Variants in RAPGEF4 observed in about 807,000 individuals in gnomAD.
RAPGEF4 encodes the protein RAP guanine-nucleotide-exchange factor (GEF) 4.
In RAPGEF4, 66 loss-of-function variants were observed where a neutral mutation model predicts 147.9. That is an observed-to-expected ratio of 0.45 (90% CI 0.37 to 0.55). The LOEUF is 0.55. Among genes scored for constraint, RAPGEF4 ranks in the 20% least tolerant of loss-of-function variants. The pLI is 0.00. For missense variants in RAPGEF4, 1,071 were observed against 1,257.3 expected (o/e 0.85, Z 2.24); for synonymous variants, 419 against 442.7 (o/e 0.95, Z 0.67).
intron 16 of RAPGEF4, among the ~76,000 whole-genome samples, chr2:172,999,734 C>T (rs538273461): frequency 1.4e-4 from 22 of 152,312 alleles, no homozygotes; most frequent in African/African-American, 5.3e-4. Context: ...AAATGTTTAA[C>T]CATGATTCTC....
chr2:172,972,337 G>A (rs111851352), intron 10 of RAPGEF4, among the ~76,000 whole-genome samples: 2,033 of 152,298 alleles, frequency 0.013, 21 homozygotes, highest in Non-Finnish European at 0.018. Context: ...TGTTTCTTCG[G>A]GGGATTCCAG....
intron 4 of RAPGEF4, among the ~76,000 whole-genome samples, chr2:172,893,296 C>A (rs1270517683): frequency 6.6e-6 from 1 of 152,138 alleles, no homozygotes; most frequent in Non-Finnish European, 1.5e-5. Flanking sequence ...CACAGACAGC[C>A]CCGTCCTGGG....
chr2:173,011,170 GCACA>G (rs1553548086), intron 17 of RAPGEF4, among the ~76,000 whole-genome samples: 1,497 of 133,568 alleles, frequency 0.011, 31 homozygotes, highest in African/African-American at 0.04. Context: ...GCGCGCGCGC[GCACA>G]CACACACACA....
intron 4 of RAPGEF4, among the ~76,000 whole-genome samples, chr2:172,874,359 A>G (rs1000280936): frequency 1.3e-5 from 2 of 152,058 alleles, no homozygotes; most frequent in African/African-American, 4.8e-5. Flanking sequence ...TTAACTCGTC[A>G]TTTACATTAG....
intron 14 of RAPGEF4, among the ~76,000 whole-genome samples, chr2:172,989,332 C>A (rs1278419884): frequency 6.8e-6 from 1 of 147,778 alleles, no homozygotes; most frequent in Non-Finnish European, 1.5e-5. Context: ...TGAGTGATTA[C>A]ATTTTACTGA....
intron 1 of RAPGEF4, among the ~76,000 whole-genome samples, chr2:172,761,656 A>G (rs1022424850): frequency 6.6e-6 from 1 of 152,202 alleles, no homozygotes; most frequent in Non-Finnish European, 1.5e-5. Flanking sequence ...GAATCTTGGA[A>G]TATCAGGGAG....
intron 4 of RAPGEF4, among the ~76,000 whole-genome samples, chr2:172,896,735 T>C (rs936664990): frequency 6.6e-6 from 1 of 152,204 alleles, no homozygotes; most frequent in African/African-American, 2.4e-5. Context: ...AGCATAATTT[T>C]CCTCCAAACA....
At chr2:173,005,529 T>G (rs1246916204) in intron 17 of RAPGEF4, among the ~76,000 whole-genome samples, 21 of 128,670 alleles carry the variant, frequency 1.6e-4, no homozygotes, top group African/African-American at 3.4e-5. Context: ...TGTTTTTTTT[T>G]TTTTTTTTTT....
intron 1 of RAPGEF4, among the ~76,000 whole-genome samples, chr2:172,794,363 A>G (rs1475153545): frequency 6.6e-6 from 1 of 151,162 alleles, no homozygotes; most frequent in Non-Finnish European, 1.5e-5. Flanking sequence ...AAAAAAAAAA[A>G]AAGAAAAAAG....
chr2:172,885,105 G>A lies in RAPGEF4; in HGVS notation c.445-32697G>A, dbSNP rs146730110. On this transcript the variant is annotated intron_variant, in intron 4 of 30. Transcript: ENST00000397081. ...GGGATATTCACAGCCCAACAAGCCA[G>A]CACAGACACTTCAGGGATCTGATGC... 4.9e-3 allele frequency among the ~76,000 whole-genome samples: 750 copies of A among 152,328 alleles called. 40 individuals carry two copies. The South Asian group carries it at 0.13, about 26-fold the overall frequency.
chr2:172,822,164 G>A (rs895561563), intron 4 of RAPGEF4, among the ~76,000 whole-genome samples: 1 of 152,138 alleles, frequency 6.6e-6, no homozygotes, highest in Non-Finnish European at 1.5e-5. Context: ...TGTGTGTGGG[G>A]CCAGGGGGTG....
At chr2:172,984,952 T>A (rs1395080251) in intron 11 of RAPGEF4, among the ~76,000 whole-genome samples, 1 of 152,188 alleles carries the variant, frequency 6.6e-6, no homozygotes, top group Non-Finnish European at 1.5e-5. Flanking sequence ...CTAGGAATAA[T>A]TTGGAATTTT....
chr2:172,838,671 A>T (rs530885698), intron 4 of RAPGEF4, among the ~76,000 whole-genome samples: 3 of 152,100 alleles, frequency 2.0e-5, no homozygotes, highest in Admixed American at 2.0e-4. Context: ...ATTCCAGAAA[A>T]CTTTGTATAA....
chr2:172,787,717 T>C (rs780759054), intron 1 of RAPGEF4, among the ~76,000 whole-genome samples: 1 of 151,972 alleles, frequency 6.6e-6, no homozygotes, highest in Non-Finnish European at 1.5e-5. Context: ...CCTCCTGGGC[T>C]CAAGCAATCC....
At chr2:172,844,168 C>T (rs191106534) in intron 4 of RAPGEF4, among the ~76,000 whole-genome samples, 14 of 152,282 alleles carry the variant, frequency 9.2e-5, no homozygotes, top group Non-Finnish European at 1.9e-4. Flanking sequence ...GTACTCTGTC[C>T]GTGTCCAGAC....
intron 4 of RAPGEF4, among the ~76,000 whole-genome samples, chr2:172,892,446 A>C (rs971394730): frequency 6.6e-6 from 1 of 152,110 alleles, no homozygotes; most frequent in African/African-American, 2.4e-5. Context: ...ACCCCTCCCT[A>C]GTTATTCCCA....
At chr2:173,026,173 A>G (rs569242302) in intron 23 of RAPGEF4, among the ~76,000 whole-genome samples, 18 of 152,322 alleles carry the variant, frequency 1.2e-4, no homozygotes, top group African/African-American at 4.1e-4. Context: ...CCAAACTGCC[A>G]TGCCGTTACC....
Position 172,961,177 on chromosome 2 carries a change from C to T in RAPGEF4, c.647C>T (p.Ser216Phe). The T allele has an allele frequency of 6.2e-7, 1 of 1,613,162 alleles. No individual in the cohort carries two copies. The highest frequency in any genetic ancestry group is 8.5e-7 in the Non-Finnish European group (1 of 1,179,102). Residue 216 changes from serine to phenylalanine, a missense_variant, in exon 8 of 31, where the codon TCT becomes TTT. Coordinates refer to ENST00000397081, the MANE Select transcript of RAPGEF4 (RefSeq NM_007023.4). ...AGKILRNAILSRAPHMIRDRK... is the reference protein window; with the variant it reads ...AGKILRNAILFRAPHMIRDRK... ...AAAATTTTACGAAATGCCATTCTCTCTCGAGCACCTCACATGATAAGAGAT... is the reference window on the plus strand; with the variant it reads ...AAAATTTTACGAAATGCCATTCTCTTTCGAGCACCTCACATGATAAGAGAT...
intron 4 of RAPGEF4, among the ~76,000 whole-genome samples, chr2:172,819,137 C>T (rs186823305): frequency 5.5e-4 from 83 of 152,146 alleles, no homozygotes; most frequent in Non-Finnish European, 9.6e-4. Context: ...TGGTTTCCTT[C>T]TCCTTTTCCC....
Sources: allele counts gnomAD v4.1 joint callset (sites outside exome capture counted in the v4.1 genomes callset), GRCh38; gene constraint gnomAD v4.1.1; transcripts MANE v1.5; gene names NCBI Gene and HGNC (gene_info 2026-07-23, HGNC 2026-07-21).